The following EIF4G3 variants were observed in gnomAD, a reference collection of about 807,000 sequenced individuals.
EIF4G3 encodes eukaryotic translation initiation factor 4 gamma 3.
A neutral mutation model predicts 186.4 loss-of-function variants in EIF4G3; 34 were observed. The ratio of observed to expected loss-of-function variants is 0.18; its 90% CI spans 0.14 to 0.24. EIF4G3 has a LOEUF of 0.24. Among genes scored for constraint, EIF4G3 ranks in the 10% least tolerant of loss-of-function variants. The probability of loss-of-function intolerance (pLI) is 1.00; values close to 1 mark genes in which losing one functional copy is unlikely to be tolerated. For synonymous variants in EIF4G3, 673 were observed against 679.5 expected (o/e 0.99, Z 0.15); for missense variants, 1,536 against 1,948.5 (o/e 0.79, Z 3.99).
At chr1:21,054,048 G>T (rs1339504882) in intron 3 of EIF4G3, among the ~76,000 whole-genome samples, 2 of 152,200 alleles carry the variant, frequency 1.3e-5, no homozygotes, top group Non-Finnish European at 2.9e-5. Flanking sequence ...GTGGGGAAAA[G>T]ATTGAGAAAT....
At chr1:21,140,711 T>C (rs950862932) in intron 2 of EIF4G3, among the ~76,000 whole-genome samples, 3 of 152,214 alleles carry the variant, frequency 2.0e-5, no homozygotes, top group African/African-American at 7.2e-5. Context: ...AACAAGACTA[T>C]ATTGTAAAAA....
At chr1:20,961,514 ATTC>A (rs1395150278) in intron 12 of EIF4G3, among the ~76,000 whole-genome samples, 1 of 152,228 alleles carries the variant, frequency 6.6e-6, no homozygotes, top group Non-Finnish European at 1.5e-5. Flanking sequence ...GAGCATTTGA[ATTC>A]TTCTCTGCTA....
intron 12 of EIF4G3, among the ~76,000 whole-genome samples, chr1:20,951,132 CAG>C (rs2096201034): frequency 2.0e-5 from 3 of 151,186 alleles, no homozygotes; most frequent in Admixed American, 2.0e-4. Context: ...TGTGGGCAAA[CAG>C]AGACACTTAA....
chr1:21,137,815 CA>C (rs201685410), intron 2 of EIF4G3, among the ~76,000 whole-genome samples: 2,217 of 103,156 alleles, frequency 0.021, 16 homozygotes, highest in African/African-American at 0.031. Context: ...GACCCTGTCT[CA>C]AAAAAAAAAA....
rs34197724 is a variant in EIF4G3 at position 21,176,231 on chromosome 1, TGCCGCCGCC to T, written c.-337_-329del. ...TGTTCGGGTGAGGAGGGGGGACCGC[TGCCGCCGCC>T]GCCGCCGCCGCCGCCGCCGCCGCCG... On this transcript the variant is annotated 5_prime_UTR_variant, in exon 2 of 37. Coordinates refer to ENST00000602326, the MANE Select transcript of EIF4G3 (RefSeq NM_001391906.1). 6,560 of 346,310 alleles carry T rather than the reference TGCCGCCGCC, an allele frequency of 0.019. 232 individuals are homozygous for T. The highest frequency in any genetic ancestry group is 0.024 in the Non-Finnish European group (4,671 of 198,524). 21.5% of individuals were successfully genotyped at this position (346,310 alleles called of 1,614,324 possible).
At chr1:20,895,619 G>A in intron 16 of EIF4G3, 118 bp from the exon 17 acceptor site, 1 of 1,100,054 alleles carries the variant, frequency 9.1e-7, no homozygotes, top group Admixed American at 2.3e-5. Context: ...CAACATTATA[G>A]CCCATAAGGC....
At position 21,129,264 on chromosome 1, in the gene EIF4G3, T is replaced by C. The variant is rs531396672; in HGVS notation, c.-271-40051A>G. Among the ~76,000 whole-genome samples, 3 of 151,168 alleles carry C rather than the reference T, an allele frequency of 2.0e-5. No homozygotes were observed. The East Asian group carries it at 5.8e-4, about 29-fold the overall frequency. ...TGGGAGGCAGAGGTTGCGGTAAGCCTAGATTGCACCACTGCACTCCAGCCT... is the reference window on the plus strand; with the variant it reads ...TGGGAGGCAGAGGTTGCGGTAAGCCCAGATTGCACCACTGCACTCCAGCCT... On this transcript the variant is annotated intron_variant, in intron 2 of 36. Transcript: ENST00000602326.
intron 3 of EIF4G3, among the ~76,000 whole-genome samples, chr1:21,075,444 C>T (rs1014348311): frequency 5.3e-5 from 8 of 151,712 alleles, no homozygotes; most frequent in East Asian, 1.9e-4. Flanking sequence ...TGGTGGGTGC[C>T]GGTAATCCCA....
chr1:21,174,916 G>GA (rs1308814427), intron 2 of EIF4G3, among the ~76,000 whole-genome samples: 1 of 152,140 alleles, frequency 6.6e-6, no homozygotes, highest in Admixed American at 6.6e-5. Context: ...ACACTTGGCA[G>GA]AAAACAAACA....
intron 2 of EIF4G3, among the ~76,000 whole-genome samples, chr1:21,113,265 C>G (rs2096759377): frequency 6.7e-6 from 1 of 150,112 alleles, no homozygotes; most frequent in South Asian, 2.1e-4. Context: ...GGTAGACCAG[C>G]TGAATTCTTG....
intron 14 of EIF4G3, among the ~76,000 whole-genome samples, chr1:20,919,729 C>T (rs1223169785): frequency 5.3e-5 from 8 of 152,228 alleles, no homozygotes; most frequent in Admixed American, 1.3e-4. Context: ...TGGCATGTTT[C>T]TCCTCAGCTA....
chr1:20,979,309 A>C (rs1387007955), intron 10 of EIF4G3, among the ~76,000 whole-genome samples: 1 of 152,180 alleles, frequency 6.6e-6, no homozygotes, highest in Non-Finnish European at 1.5e-5. Context: ...ACTAATACCC[A>C]AAACCTCCCC....
intron 2 of EIF4G3, among the ~76,000 whole-genome samples, chr1:21,145,710 T>C (rs2097427813): frequency 6.6e-6 from 1 of 152,160 alleles, no homozygotes; most frequent in South Asian, 2.1e-4. Flanking sequence ...TAGTCAATGT[T>C]AGGAATAAAA....
At chr1:20,973,507 A>G (rs2076282574) in intron 10 of EIF4G3, among the ~76,000 whole-genome samples, 1 of 152,220 alleles carries the variant, frequency 6.6e-6, no homozygotes, top group East Asian at 1.9e-4. Context: ...AGAAGGGAAT[A>G]TATCTGATCA....
intron 4 of EIF4G3, among the ~76,000 whole-genome samples, chr1:21,050,321 C>T (rs185011174): frequency 2.0e-5 from 3 of 152,320 alleles, no homozygotes; most frequent in Admixed American, 6.5e-5. Flanking sequence ...AGTGTCTGAA[C>T]GTCTGTTGTT....
intron 15 of EIF4G3, 101 bp downstream of exon 15, chr1:20,904,782 A>T: frequency 1.4e-6 from 1 of 729,890 alleles, no homozygotes; most frequent in Non-Finnish European, 2.1e-6. Context: ...TTGATATATT[A>T]AGTTTTGCTT....
At chr1:21,062,570 TATAG>T (rs1369425109) in intron 3 of EIF4G3, among the ~76,000 whole-genome samples, 1 of 152,090 alleles carries the variant, frequency 6.6e-6, no homozygotes, top group Non-Finnish European at 1.5e-5. Context: ...TATCCACAGA[TATAG>T]ATATAGATAC....
intron 14 of EIF4G3, among the ~76,000 whole-genome samples, chr1:20,910,705 A>C (rs952709647): frequency 6.6e-6 from 1 of 152,256 alleles, no homozygotes; most frequent in African/African-American, 2.4e-5. Context: ...AAATCACAGC[A>C]CAGATTTTTA....
Position 20,810,624 on chromosome 1 carries a change from T to C in EIF4G3, c.4744+114A>G. On this transcript the variant is annotated intron_variant, in intron 36 of 36. Coordinates refer to ENST00000602326, the MANE Select transcript of EIF4G3 (RefSeq NM_001391906.1). This position sits in a 1 kb window ranked among gnomAD's most constrained non-coding sequence, Gnocchi z 4.1. Reference sequence around the variant, plus strand: ...TATTAAAGTTAGTTATATGAGTTTGTGTTATTAGTGATTCTTTTATTGTCC... The same window carrying C: ...TATTAAAGTTAGTTATATGAGTTTGCGTTATTAGTGATTCTTTTATTGTCC... 1 of 1,231,940 alleles carries C rather than the reference T, an allele frequency of 8.1e-7. No individual in the cohort carries two copies. The allele number at this position is 1,231,940 out of a possible 1,614,324, so 76.3% of individuals were successfully genotyped here.
Sources: gnomAD v4.1 joint callset for allele counts (sites outside exome capture counted in the v4.1 genomes callset) on GRCh38, gnomAD v4.1.1 for gene constraint, Gnocchi (gnomAD v3.1) non-coding constraint, MANE v1.5 for transcripts, NCBI Gene and HGNC (gene_info 2026-07-23, HGNC 2026-07-21) for gene names.